Variants in ABHD12B observed in about 807,000 individuals in gnomAD.
ABHD12B encodes abhydrolase domain containing 12B.
Under a neutral mutation model 50.4 loss-of-function variants are expected in ABHD12B, and 42 were observed. The ratio of observed to expected loss-of-function variants is 0.83; its 90% confidence interval spans 0.65 to 1.08. ABHD12B has a LOEUF of 1.08. Ranked by LOEUF, ABHD12B falls within the 50% of genes least tolerant of loss-of-function variation. ABHD12B has a pLI of 0.00. For synonymous variants in ABHD12B, 167 were observed against 160.3 expected (o/e 1.04, Z -0.32); for missense variants, 479 against 447.7 (o/e 1.07, Z -0.63).
At chr14:50,881,336 C>T (rs1469202609) in intron 4 of ABHD12B, among the ~76,000 whole-genome samples, 1 of 152,098 alleles carries the variant, frequency 6.6e-6, no homozygotes, top group African/African-American at 2.4e-5. Flanking sequence ...TGGCAGGTGA[C>T]TCGCCTTTCT....
Position 50,880,588 on chromosome 14 carries a change from A to C in ABHD12B, c.455+17A>C. On this transcript the variant is annotated intron_variant, in intron 4 of 12. Transcript: ENST00000337334. ...AGAACACAGGTCAGTGGCTCTGCTT[A>C]CATATTTTTTTTTCAGGAGATTGAG... 1 of 1,540,500 alleles carries C rather than the reference A, an allele frequency of 6.5e-7. No homozygotes were observed. The highest frequency in any genetic ancestry group is 8.8e-7 in the Non-Finnish European group (1 of 1,142,846).
intron 1 of ABHD12B, among the ~76,000 whole-genome samples, chr14:50,876,215 TTA>T (rs2049861873): frequency 6.6e-6 from 1 of 152,240 alleles, no homozygotes; most frequent in Non-Finnish European, 1.5e-5. Context: ...CTTGCTGATT[TTA>T]TGAGTAGGCA....
chr14:50,872,907 G>A (rs1234991449), intron 1 of ABHD12B, among the ~76,000 whole-genome samples: 1 of 152,062 alleles, frequency 6.6e-6, no homozygotes, highest in African/African-American at 2.4e-5. Context: ...TTTTGTTTCT[G>A]TTTTCTTCCT....
chr14:50,891,971 CTT>C (rs1334201506), intron 9 of ABHD12B: 1 of 152,108 alleles, frequency 6.6e-6, no homozygotes, highest in Non-Finnish European at 1.5e-5. Flanking sequence ...AGTTCCTCAG[CTT>C]TGTCTTCTTA....
chr14:50,888,103 A>C (rs1286604360), intron 8 of ABHD12B, among the ~76,000 whole-genome samples: 1 of 152,166 alleles, frequency 6.6e-6, no homozygotes, highest in Non-Finnish European at 1.5e-5. Flanking sequence ...AATTGTTCTT[A>C]GAGTCAGTGT....
intron 9 of ABHD12B, among the ~76,000 whole-genome samples, chr14:50,890,814 C>T (rs559637207): frequency 1.4e-4 from 21 of 152,246 alleles, no homozygotes; most frequent in South Asian, 1.2e-3. Flanking sequence ...AGAATTTCAC[C>T]GGGGTATACC....
intron 9 of ABHD12B, among the ~76,000 whole-genome samples, chr14:50,896,802 G>C (rs576705820): frequency 2.6e-5 from 4 of 152,104 alleles, no homozygotes; most frequent in Non-Finnish European, 4.4e-5. Flanking sequence ...GACTCAGCCC[G>C]CCTGCACCCA....
chr14:50,874,587 G>A (rs899022929), intron 1 of ABHD12B, among the ~76,000 whole-genome samples: 14 of 151,294 alleles, frequency 9.3e-5, no homozygotes, highest in Non-Finnish European at 1.3e-4. Context: ...GTGACAGAGC[G>A]AGACTCCGTC....
intron 1 of ABHD12B, among the ~76,000 whole-genome samples, chr14:50,874,660 A>G (rs540905696): frequency 4.1e-4 from 62 of 152,130 alleles, no homozygotes; most frequent in Middle Eastern, 3.4e-3. Flanking sequence ...AAGTTGGGGG[A>G]AACCAAAGGT....
chr14:50,882,973 CAAAAA>C (rs10648046), intron 5 of ABHD12B, among the ~76,000 whole-genome samples: 2 of 112,908 alleles, frequency 1.8e-5, no homozygotes, highest in Non-Finnish European at 3.5e-5. Context: ...GACCCTGACT[CAAAAA>C]AAAAAAAAAA....
chr14:50,879,434 G>A lies in ABHD12B; in HGVS notation c.335+587G>A, dbSNP rs536332044. ...TAGACTTTGTTGGTGGGTTTTCATT[G>A]CTTAGCACAATGTTTGGCACATAAA... On this transcript the variant is annotated intron_variant, in intron 3 of 12. Transcript: ENST00000337334. Among the ~76,000 whole-genome samples the A allele has an allele frequency of 3.9e-5, 6 of 152,314 alleles. No individual in the cohort carries two copies. In the East Asian group the frequency reaches 1.2e-3, roughly 29 times the overall value.
chr14:50,878,902 G>A (rs1420563337), intron 3 of ABHD12B, 55 bp downstream of exon 3: 2 of 1,449,648 alleles, frequency 1.4e-6, no homozygotes, highest in Non-Finnish European at 1.9e-6. Flanking sequence ...TTCCTGTTAG[G>A]ACTCAGAGGA....
chr14:50,878,826 C>G lies in ABHD12B; in HGVS notation c.314C>G (p.Pro105Arg). 1.2e-6 allele frequency: 2 copies of G among 1,613,920 alleles called. No individual in the cohort carries two copies. Among genetic ancestry groups the G allele is most frequent in the Non-Finnish European group, 1.7e-6 (2 of 1,179,850 alleles). The change falls in exon 3 of 13, where the codon CCT becomes CGT. Residue 105 changes from proline to arginine, a missense_variant. Pro to Arg is a moderately radical substitution (Grantham distance 103). Coordinates refer to ENST00000337334, the MANE Select transcript of ABHD12B (RefSeq NM_001206673.2). ...GTGAACTTCTACCTGAGAGTTGAAC[C>G]TGGGGTGATGCTAGGGATCTGGTGA... ...HTVNFYLRVEPGVMLGIWHTV... is the reference protein window; with the variant it reads ...HTVNFYLRVERGVMLGIWHTV...
chr14:50,896,688 C>G (rs1664823335), intron 9 of ABHD12B, among the ~76,000 whole-genome samples: 1 of 151,672 alleles, frequency 6.6e-6, no homozygotes, highest in African/African-American at 2.4e-5. Context: ...GACCCCCGCC[C>G]CTGCCCACCA....
chr14:50,886,400 A>T (rs1323653893), intron 7 of ABHD12B, among the ~76,000 whole-genome samples: 4 of 147,474 alleles, frequency 2.7e-5, no homozygotes, highest in Non-Finnish European at 5.9e-5. Flanking sequence ...AGATTGTACC[A>T]CTGCACTCCA....
intron 5 of ABHD12B, among the ~76,000 whole-genome samples, chr14:50,883,858 A>G (rs1020586062): frequency 3.9e-5 from 6 of 152,194 alleles, no homozygotes; most frequent in African/African-American, 1.4e-4. Flanking sequence ...TCATTCATTC[A>G]TGTATTCATC....
intron 5 of ABHD12B, among the ~76,000 whole-genome samples, chr14:50,883,475 A>G (rs996631117): frequency 1.3e-5 from 2 of 152,172 alleles, no homozygotes; most frequent in Non-Finnish European, 2.9e-5. Flanking sequence ...AGTGTTGCCC[A>G]GGAGTACCAT....
Position 50,872,140 on chromosome 14 carries a change from C to G in ABHD12B, c.-35C>G. 7.9e-7 allele frequency: 1 copy of G among 1,258,916 alleles called. No homozygotes were observed. The highest frequency in any genetic ancestry group is 1.0e-6 in the Non-Finnish European group (1 of 1,000,254). The allele number at this position is 1,258,916 out of a possible 1,614,324, so 78.0% of individuals were successfully genotyped here. ...GGCGGCTGCTCCGGACTGCAGCTCCCGCGGCGGTGGCGGCGTATCGGGACA... is the reference window on the plus strand; with the variant it reads ...GGCGGCTGCTCCGGACTGCAGCTCCGGCGGCGGTGGCGGCGTATCGGGACA... On this transcript the variant is annotated 5_prime_UTR_variant, in exon 1 of 13. Transcript: ENST00000337334.
At chr14:50,886,209 G>A (rs1215241148) in intron 7 of ABHD12B, among the ~76,000 whole-genome samples, 1 of 152,094 alleles carries the variant, frequency 6.6e-6, no homozygotes, top group Non-Finnish European at 1.5e-5. Context: ...AGGCTGAGGT[G>A]GGCAGATCAC....
Sources: gnomAD v4.1 joint callset for allele counts (sites outside exome capture counted in the v4.1 genomes callset) on GRCh38, gnomAD v4.1.1 for gene constraint, MANE v1.5 for transcripts, NCBI Gene and HGNC (gene_info 2026-07-23, HGNC 2026-07-21) for gene names.